The following VAC14 variants were observed in gnomAD, a reference collection of about 807,000 sequenced individuals.
VAC14 encodes the protein VAC14 component of PIKFYVE complex.
Under a neutral mutation model 85.3 loss-of-function variants are expected in VAC14, and 47 were observed. The observed-to-expected ratio is 0.55, with a 90% CI of 0.44 to 0.70. The LOEUF (loss-of-function observed/expected upper bound fraction) is 0.70. Ranked by LOEUF, VAC14 falls within the 30% of genes least tolerant of loss-of-function variation. The pLI is 0.00. For synonymous variants in VAC14, 447 were observed against 430.5 expected (o/e 1.04, Z -0.47); for missense variants, 861 against 1,004.3 (o/e 0.86, Z 1.93).
At chr16:70,775,472 G>T (rs2033471196) in intron 9 of VAC14, among the ~76,000 whole-genome samples, 2 of 152,204 alleles carry the variant, frequency 1.3e-5, no homozygotes, top group Admixed American at 1.3e-4. Context: ...GCTATTCTAG[G>T]TGCGGGCCAT....
intron 13 of VAC14, among the ~76,000 whole-genome samples, chr16:70,737,626 C>T (rs550843742): frequency 4.6e-5 from 7 of 152,288 alleles, no homozygotes; most frequent in African/African-American, 1.4e-4. Context: ...AGACGCACTC[C>T]ACACAGAAAC....
chr16:70,762,641 T>C lies in VAC14; in HGVS notation c.1306-36A>G. 1 of 1,607,786 alleles carries C rather than the reference T, an allele frequency of 6.2e-7. No homozygotes were observed. Among genetic ancestry groups the C allele is most frequent in the Non-Finnish European group, 8.5e-7 (1 of 1,175,094 alleles). On this transcript the variant is annotated intron_variant, in intron 11 of 18. Transcript: ENST00000261776. This position sits in a 1 kb window ranked among gnomAD's most constrained non-coding sequence, Gnocchi z 4.1. ...GAGAAGCAGGGGTGCCCGTGAGTGC[T>C]CCCTTCGCCCCGGGACTACGTGCAG...
chr16:70,785,003 G>A (rs901392345), intron 3 of VAC14, among the ~76,000 whole-genome samples, 165 bp from the exon 4 acceptor site: 4 of 152,234 alleles, frequency 2.6e-5, no homozygotes, highest in African/African-American at 9.6e-5. Flanking sequence ...CTGGGAAAGT[G>A]GGAGTGGGTA....
rs929257465 is a variant in VAC14 at position 70,755,266 on chromosome 16, G to A, written c.1371+7274C>T. The A allele has an allele frequency of 1.9e-5, 6 of 320,060 alleles. No homozygotes were observed. In the East Asian group the frequency reaches 7.3e-4, roughly 39 times the overall value. The allele number at this position is 320,060 out of a possible 1,614,324, so 19.8% of individuals were successfully genotyped here. ...GGCCACCAGGTCAGTGAGCAGCCAG[G>A]GACAGCCCATGGGGCCTGGGAAGGA... is the stretch of plus-strand genomic sequence containing the variant. On this transcript the variant is annotated intron_variant, in intron 12 of 18. Transcript: ENST00000261776.
rs1017204623 is a variant in VAC14 at position 70,762,681 on chromosome 16, G to A, written c.1306-76C>T. On this transcript the variant is annotated intron_variant, in intron 11 of 18. Coordinates refer to ENST00000261776, the MANE Select transcript of VAC14 (RefSeq NM_018052.5). This position sits in a 1 kb window ranked among gnomAD's most constrained non-coding sequence, Gnocchi z 4.1. The stretch of plus-strand genomic sequence containing the variant: ...ACTACGTGCAGTGCAGTGTCCCGCT[G>A]GTGTGCACGGACCCACTGGTCTGCA... 41 of 1,543,160 alleles carry A rather than the reference G, an allele frequency of 2.7e-5. No individual in the cohort carries two copies. The highest frequency in any genetic ancestry group is 3.4e-5 in the Non-Finnish European group (38 of 1,124,288).
chr16:70,718,754 G>A (rs1597878923), intron 14 of VAC14, among the ~76,000 whole-genome samples: 1 of 152,130 alleles, frequency 6.6e-6, no homozygotes, highest in Admixed American at 6.5e-5. Context: ...GCACCCCTCA[G>A]CCCCACCTCC....
intron 14 of VAC14, among the ~76,000 whole-genome samples, chr16:70,718,705 C>T (rs1250076570): frequency 1.3e-5 from 2 of 152,096 alleles, no homozygotes; most frequent in Non-Finnish European, 2.9e-5. Context: ...CTGTTGCTCC[C>T]CAACTCCACG....
At chr16:70,697,001 G>A (rs1392969878) in intron 16 of VAC14, 138 bp downstream of exon 16, 5 of 676,020 alleles carry the variant, frequency 7.4e-6, no homozygotes, top group African/African-American at 3.6e-5. Flanking sequence ...CAGCCCTGAT[G>A]TCACAAGCCC....
At chr16:70,749,161 A>G (rs2031171498) in intron 12 of VAC14, among the ~76,000 whole-genome samples, 1 of 152,166 alleles carries the variant, frequency 6.6e-6, no homozygotes, top group Non-Finnish European at 1.5e-5. Flanking sequence ...CCATTCCAAG[A>G]TTTCTGGTCC....
intron 14 of VAC14, among the ~76,000 whole-genome samples, chr16:70,703,909 A>G (rs1202238553): frequency 1.1e-4 from 16 of 152,214 alleles, no homozygotes. Context: ...TGCTGAGACC[A>G]GGGTAGGAGA....
intron 12 of VAC14, chr16:70,755,080 G>A (rs1018106715): frequency 3.0e-5 from 6 of 200,142 alleles, no homozygotes; most frequent in East Asian, 1.8e-4. Context: ...GTGGAGAGCC[G>A]GGCAGCGTGG....
intron 18 of VAC14, chr16:70,689,488 G>C: frequency 1.0e-6 from 1 of 985,386 alleles, no homozygotes; most frequent in Non-Finnish European, 1.2e-6. Context: ...CCACCAGCCT[G>C]CTGGGCAGGA....
intron 13 of VAC14, among the ~76,000 whole-genome samples, chr16:70,739,038 C>G (rs1268218997): frequency 6.6e-6 from 1 of 152,230 alleles, no homozygotes; most frequent in Non-Finnish European, 1.5e-5. Flanking sequence ...CAGGGGCCCT[C>G]TGCACCGGCC....
At position 70,690,704 on chromosome 16, in the gene VAC14, C is replaced by T. The variant is rs1298564743; in HGVS notation, c.2186+2117G>A. On this transcript the variant is annotated intron_variant, in intron 18 of 18. Coordinates refer to ENST00000261776, the MANE Select transcript of VAC14 (RefSeq NM_018052.5). Reference sequence around the variant, plus strand: ...CCTGTCTGCCAGCTGTCTGCCCCTCCCAGGGCTGGGACTGTCCTCAGCTCC... The same window carrying T: ...CCTGTCTGCCAGCTGTCTGCCCCTCTCAGGGCTGGGACTGTCCTCAGCTCC... 5 of 985,612 alleles carry T rather than the reference C, an allele frequency of 5.1e-6. No homozygotes were observed. In the African/African-American group the frequency reaches 8.7e-5, roughly 17 times the overall value. The allele number at this position is 985,612 out of a possible 1,614,324, so 61.1% of individuals were successfully genotyped here.
chr16:70,720,198 G>A (rs1338993242), intron 14 of VAC14, among the ~76,000 whole-genome samples: 1 of 152,210 alleles, frequency 6.6e-6, no homozygotes, highest in Non-Finnish European at 1.5e-5. Flanking sequence ...TCACTTGCAG[G>A]AGACGTGAAA....
intron 12 of VAC14, chr16:70,761,335 C>T (rs962535106): frequency 5.9e-5 from 15 of 253,812 alleles, no homozygotes; most frequent in Admixed American, 4.3e-4. Context: ...TGTTGATTCA[C>T]GAGCTGGCTG....
chr16:70,786,042 G>C (rs1273113960), intron 2 of VAC14, 173 bp from the exon 3 acceptor site: 8 of 1,347,490 alleles, frequency 5.9e-6, no homozygotes, highest in Non-Finnish European at 8.0e-6. Flanking sequence ...CATGCCTAGG[G>C]GACCAGGCTG....
At position 70,786,322 on chromosome 16, in the gene VAC14, T is replaced by C. The variant is rs759183271; in HGVS notation, c.148A>G (p.Lys50Glu). ...FVAQNNTVQI[K>E]HVIQTLSQEF... Reference sequence around the variant, plus strand: ...TGGGACAGGGTCTGGATCACATGCTTGATTTGCACGGTATTGTTCTGGGCC... The same window carrying C: ...TGGGACAGGGTCTGGATCACATGCTCGATTTGCACGGTATTGTTCTGGGCC... The change falls in exon 2 of 19, where the codon AAG (lysine) becomes GAG (glutamate). Residue 50 changes from lysine (K) to glutamate (E), a missense_variant. Lys to Glu is a moderately conservative substitution (Grantham distance 56). Transcript: ENST00000261776. 5 of 1,614,192 alleles carry C rather than the reference T, an allele frequency of 3.1e-6. No homozygotes were observed. The South Asian group carries it at 5.5e-5, about 18-fold the overall frequency.
At chr16:70,773,094 C>T (rs928411204) in intron 9 of VAC14, 1 of 152,104 alleles carries the variant, frequency 6.6e-6, no homozygotes, top group Non-Finnish European at 1.5e-5. Context: ...GGTATAATGG[C>T]TAATGGATTC....
Sources: gnomAD v4.1 joint callset for allele counts (sites outside exome capture counted in the v4.1 genomes callset) on GRCh38, gnomAD v4.1.1 for gene constraint, Gnocchi (gnomAD v3.1) non-coding constraint, MANE v1.5 for transcripts, NCBI Gene and HGNC (gene_info 2026-07-23, HGNC 2026-07-21) for gene names.